NUP210: variants seen among roughly 807,000 people sequenced by gnomAD.
NUP210 encodes the protein nucleoporin 210, also known as nuclear pore membrane glycoprotein 210.
Under a neutral mutation model 196.0 loss-of-function variants are expected in NUP210, and 151 were observed. The ratio of observed to expected loss-of-function variants is 0.77; its 90% confidence interval spans 0.67 to 0.88. The LOEUF is 0.88. Among genes scored for constraint, NUP210 ranks in the 40% least tolerant of loss-of-function variants. The probability of loss-of-function intolerance (pLI) is 0.00; values close to 1 mark genes in which losing one functional copy is unlikely to be tolerated. For missense variants in NUP210, 2,314 were observed against 2,493.7 expected, an observed-to-expected ratio of 0.93 and a Z score of 1.53; for synonymous variants, 1,070 against 1,052.7, an observed-to-expected ratio of 1.02 and a Z score of -0.32.
chr3:13,332,254 C>T (rs1490541052), intron 29 of NUP210, 39 bp downstream of exon 29: 2 of 1,544,066 alleles, frequency 1.3e-6, no homozygotes, highest in Non-Finnish European at 9.0e-7. Flanking sequence ...GCAAGCACAG[C>T]CGCACAACTT....
intron 19 of NUP210, 37 bp downstream of exon 19, chr3:13,352,043 G>A (rs367634156): frequency 2.4e-5 from 39 of 1,605,468 alleles, no homozygotes; most frequent in Non-Finnish European, 3.3e-5. Flanking sequence ...TCCCCCCGTG[G>A]GTCTTGCCCA....
rs1698801458 is a variant in NUP210 at position 13,373,613 on chromosome 3, C to T, written c.1587+105G>A. 8 of 1,205,680 alleles carry T rather than the reference C, an allele frequency of 6.6e-6. No homozygotes were observed. The South Asian group carries it at 6.8e-5, about 10-fold the overall frequency. 74.7% of individuals were successfully genotyped at this position (1,205,680 alleles called of 1,614,324 possible). On this transcript the variant is annotated intron_variant, in intron 12 of 39. Coordinates refer to ENST00000254508, the MANE Select transcript of NUP210 (RefSeq NM_024923.4). Reference sequence around the variant, plus strand: ...GGGCTTGAGCTCCTAAGTACAGGACCCAAGGTTGGGGGTGTTTCTGAGTGA... The same window carrying T: ...GGGCTTGAGCTCCTAAGTACAGGACTCAAGGTTGGGGGTGTTTCTGAGTGA...
chr3:13,318,975 T>C (rs1408091178), intron 39 of NUP210, 97 bp downstream of exon 39: 9 of 1,201,870 alleles, frequency 7.5e-6, no homozygotes, highest in Non-Finnish European at 1.2e-6. Flanking sequence ...GGCAAGGGCC[T>C]GTTGAGACTT....
chr3:13,360,004 G>A (rs1369213166), intron 15 of NUP210, among the ~76,000 whole-genome samples: 2 of 152,224 alleles, frequency 1.3e-5, no homozygotes, highest in Non-Finnish European at 2.9e-5. Flanking sequence ...AGTGGGGGAT[G>A]CTGAAGCCCA....
At chr3:13,359,950 G>C (rs535500931) in intron 15 of NUP210, among the ~76,000 whole-genome samples, 1 of 152,222 alleles carries the variant, frequency 6.6e-6, no homozygotes, top group African/African-American at 2.4e-5. Context: ...GGAGACATTG[G>C]ACTTGTGACC....
chr3:13,356,428 A>G lies in NUP210; in HGVS notation c.2328+1794T>C, dbSNP rs188016373. Among the ~76,000 whole-genome samples, 614 of 152,302 alleles carry G rather than the reference A, an allele frequency of 4.0e-3. 3 individuals are homozygous for G. Among genetic ancestry groups the G allele is most frequent in the South Asian group, 0.011 (52 of 4,816 alleles). ...GGGAGGCCGAGGTGGGCGGATCACG[A>G]GGTCAGGAGTTTGAGACCAGCCTGA... On this transcript the variant is annotated intron_variant, in intron 16 of 39. Coordinates refer to ENST00000254508, the MANE Select transcript of NUP210 (RefSeq NM_024923.4).
At position 13,322,356 on chromosome 3, in the gene NUP210, C is replaced by T. The variant is rs200132462; in HGVS notation, c.4769-17G>A. 5.2e-4 allele frequency: 847 copies of T among 1,613,894 alleles called. 5 individuals carry two copies. Among genetic ancestry groups the T allele is most frequent in the South Asian group, 2.1e-3 (194 of 91,072 alleles). On this transcript the variant is annotated splice_polypyrimidine_tract_variant and intron_variant, in intron 34 of 39. Coordinates refer to ENST00000254508, the MANE Select transcript of NUP210 (RefSeq NM_024923.4). ...TGCACTCGCCTAGAGAGGGGAGAGA[C>T]GAGAGGGTGTGGGCCAGGCCCGATG...
chr3:13,320,027 G>A (rs1283379727), intron 36 of NUP210, 48 bp from the exon 37 acceptor site: 11 of 1,557,656 alleles, frequency 7.1e-6, no homozygotes, highest in Admixed American at 1.7e-5. Context: ...AGAGTGGGGG[G>A]ACCACTGAGC....
Position 13,330,606 on chromosome 3 carries a change from C to T in NUP210, c.3964G>A (p.Val1322Ile), listed in dbSNP as rs376688997. The T allele has an allele frequency of 3.5e-5, 57 of 1,614,124 alleles. No individual in the cohort carries two copies. Among genetic ancestry groups the T allele is most frequent in the African/African-American group, 1.7e-4 (13 of 75,046 alleles). ...GGAACCTTTTCGGGTCCATCCAGGA[C>T]GCGGTAGCTCAGAGAGGCTGCACCA... ...RDGAASLSYR[V>I]LDGPEKVPVV... is the part of the protein sequence containing the mutation. Residue 1322 changes from valine (V) to isoleucine (I), a missense_variant, in exon 30 of 40, where the codon GTC becomes ATC. Val to Ile is a conservative substitution (Grantham distance 29). Transcript: ENST00000254508.
At chr3:13,404,839 T>C (rs374274677) in intron 1 of NUP210, among the ~76,000 whole-genome samples, 7 of 152,302 alleles carry the variant, frequency 4.6e-5, no homozygotes, top group African/African-American at 1.7e-4. Context: ...GTCGGGAATG[T>C]TTCTGTTTCC....
rs1697280638 is a variant in NUP210, at chr3:13,337,834, C to T, written c.3552+3G>A. On this transcript the variant is annotated splice_donor_region_variant and intron_variant, in intron 26 of 39. Coordinates refer to ENST00000254508, the MANE Select transcript of NUP210 (RefSeq NM_024923.4). ...GGATTCAGAGCCCAGGAGGTCCCCT[C>T]ACCTGGGTGCCCGTCCTCATCCGCA... 1 of 1,608,608 alleles carries T rather than the reference C, an allele frequency of 6.2e-7. No individual in the cohort carries two copies.
At chr3:13,387,007 T>A (rs1699300487) in intron 5 of NUP210, among the ~76,000 whole-genome samples, 1 of 152,232 alleles carries the variant, frequency 6.6e-6, no homozygotes. Context: ...CCTTTCATTG[T>A]CTTTGGCCTG....
At chr3:13,325,679 C>T in intron 33 of NUP210, 116 bp downstream of exon 33, 1 of 1,270,952 alleles carries the variant, frequency 7.9e-7, no homozygotes, top group Non-Finnish European at 1.1e-6. Flanking sequence ...GACTCCCAGA[C>T]CCAACCCCTC....
chr3:13,323,406 G>A lies in NUP210; in HGVS notation c.4671C>T (p.Ile1557=), dbSNP rs767703933. Residue 1557 remains isoleucine (I), a synonymous_variant, in exon 34 of 40, where the codon ATC becomes ATT. Transcript: ENST00000254508. This position sits in a 1 kb window ranked among gnomAD's most constrained non-coding sequence, Gnocchi z 4.3. ...KEVVVSVPQR[I]MARHLHPIQT... The stretch of plus-strand genomic sequence containing the variant: ...GGATGGGGTGGAGGTGACGGGCCAT[G>A]ATCCTCTGAGGGACGCTGACCACCA... The A allele has an allele frequency of 3.1e-6, 5 of 1,614,012 alleles. No individual in the cohort carries two copies. In the South Asian group the frequency reaches 5.5e-5, roughly 18 times the overall value.
rs550698394 is a variant in NUP210, at chr3:13,402,423, C to G, written c.168-2562G>C. Reference sequence around the variant, plus strand: ...CCTCAACAAAATAGAGATAACCACTCTTTTCTTGCTTCATAACAGCAGTGT... The same window carrying G: ...CCTCAACAAAATAGAGATAACCACTGTTTTCTTGCTTCATAACAGCAGTGT... On this transcript the variant is annotated intron_variant, in intron 1 of 39. Coordinates refer to ENST00000254508, the MANE Select transcript of NUP210 (RefSeq NM_024923.4). Among the ~76,000 whole-genome samples, 6 of 152,254 alleles carry G rather than the reference C, an allele frequency of 3.9e-5. No individual in the cohort carries two copies. The East Asian group carries it at 9.6e-4, about 24-fold the overall frequency.
intron 18 of NUP210, among the ~76,000 whole-genome samples, chr3:13,353,248 C>T (rs1698043726): frequency 6.6e-6 from 1 of 152,194 alleles, no homozygotes; most frequent in Admixed American, 6.5e-5. Context: ...TCCTTCCAGC[C>T]TGTACCTGCT....
chr3:13,372,560 G>A (rs1242261461), intron 12 of NUP210, among the ~76,000 whole-genome samples: 1 of 152,220 alleles, frequency 6.6e-6, no homozygotes, highest in Non-Finnish European at 1.5e-5. Flanking sequence ...GCCAGGGCAG[G>A]CGTGTTAGGA....
At chr3:13,393,425 G>A (rs1220099646) in intron 3 of NUP210, among the ~76,000 whole-genome samples, 1 of 152,252 alleles carries the variant, frequency 6.6e-6, no homozygotes, top group African/African-American at 2.4e-5. Context: ...AGTTGAATGT[G>A]TGGTAATTTC....
chr3:13,416,257 G>A (rs1269747238), intron 1 of NUP210, among the ~76,000 whole-genome samples: 1 of 151,102 alleles, frequency 6.6e-6, no homozygotes, highest in East Asian at 1.9e-4. Context: ...GAAAGGAGAA[G>A]TCTGTGAACA....
Sources: allele counts gnomAD v4.1 joint callset (sites outside exome capture counted in the v4.1 genomes callset), GRCh38; gene constraint gnomAD v4.1.1; non-coding constraint Gnocchi (gnomAD v3.1); transcripts MANE v1.5; gene names NCBI Gene and HGNC (gene_info 2026-07-23, HGNC 2026-07-21).